PTGIS: variants seen among roughly 807,000 people sequenced by gnomAD.
The protein encoded by PTGIS is prostaglandin I2 synthase, also known as prostacyclin synthase.
Under a neutral mutation model 50.3 loss-of-function variants are expected in PTGIS, and 45 were observed. The observed-to-expected ratio is 0.90, with a 90% confidence interval of 0.70 to 1.15. The LOEUF (loss-of-function observed/expected upper bound fraction) is 1.15. Among genes scored for constraint, PTGIS ranks in the 50% most tolerant of loss-of-function variants. The pLI is 0.00. For synonymous variants in PTGIS, 260 were observed against 267.7 expected, an observed-to-expected ratio of 0.97 and a Z score of 0.28; for missense variants, 668 against 661.3, an observed-to-expected ratio of 1.01 and a Z score of -0.11.
chr20:49,529,758 C>T (rs1034646136), intron 5 of PTGIS, among the ~76,000 whole-genome samples: 12 of 152,148 alleles, frequency 7.9e-5, no homozygotes, highest in Admixed American at 3.3e-4. Flanking sequence ...TATGGTAGTA[C>T]TTGTGTTCAG....
chr20:49,545,434 G>GA (rs11435089), intron 3 of PTGIS, among the ~76,000 whole-genome samples: 8,782 of 137,558 alleles, frequency 0.064, 445 homozygotes, highest in African/African-American at 0.15. Context: ...AAAAAGAAAA[G>GA]AAAAAAAAAA....
chr20:49,524,216 C>T lies in PTGIS; in HGVS notation c.697G>A (p.Val233Ile), dbSNP rs760676253. 1.4e-5 allele frequency: 23 copies of T among 1,614,212 alleles called. No homozygotes were observed. Among genetic ancestry groups the T allele is most frequent in the South Asian group, 2.2e-5 (2 of 91,088 alleles). Residue 233 changes from valine (V) to isoleucine (I), a missense_variant, in exon 6 of 10, where the codon GTC becomes ATC. By Grantham distance (29) the Val-to-Ile change is conservative. Transcript: ENST00000244043. ...SVGDKDHMCSVKSRLWKLLSP... is the reference protein window; with the variant it reads ...SVGDKDHMCSIKSRLWKLLSP... Reference sequence around the variant, plus strand: ...AGCAGCTTCCACAGGCGACTTTTGACACTGCACATGTGGTCCTTGTCCCCT... The same window carrying T: ...AGCAGCTTCCACAGGCGACTTTTGATACTGCACATGTGGTCCTTGTCCCCT...
intron 6 of PTGIS, among the ~76,000 whole-genome samples, chr20:49,516,136 C>T (rs1430495433): frequency 1.3e-5 from 2 of 151,650 alleles, no homozygotes; most frequent in African/African-American, 2.4e-5. Flanking sequence ...CTGCCACAGC[C>T]TCCCAAAGAA....
Position 49,504,366 on chromosome 20 carries a change from T to C in PTGIS, c.*3554A>G, listed in dbSNP as rs1568664662. 1 of 152,186 alleles carries C rather than the reference T, an allele frequency of 6.6e-6. No homozygotes were observed. The highest frequency in any genetic ancestry group is 6.5e-5 in the Admixed American group (1 of 15,286). 9.4% of individuals were successfully genotyped at this position (152,186 alleles called of 1,614,324 possible). Reference sequence around the variant, plus strand: ...AGTGAGTGATACATGTTATCCACTATTGGCAGCAATTGGGGGGAAAAAAAG... The same window carrying C: ...AGTGAGTGATACATGTTATCCACTACTGGCAGCAATTGGGGGGAAAAAAAG... On this transcript the variant is annotated 3_prime_UTR_variant, in exon 10 of 10. Transcript: ENST00000244043.
At chr20:49,530,194 T>A (rs1490087058) in intron 5 of PTGIS, among the ~76,000 whole-genome samples, 2 of 151,732 alleles carry the variant, frequency 1.3e-5, no homozygotes, top group African/African-American at 4.8e-5. Context: ...CATAGTTATG[T>A]ATGTATAAGA....
chr20:49,544,895 A>G (rs535810536), intron 3 of PTGIS, among the ~76,000 whole-genome samples: 1 of 152,334 alleles, frequency 6.6e-6, no homozygotes, highest in Admixed American at 6.5e-5. Context: ...GGAACTGAAA[A>G]GCAACTCATC....
In PTGIS at chr20:49,515,078, T is replaced by C. The variant is rs141415735; in HGVS notation, c.856-683A>G. Among the ~76,000 whole-genome samples the C allele has an allele frequency of 3.2e-4, 49 of 152,340 alleles. 2 individuals carry two copies. In the East Asian group the frequency reaches 8.3e-3, roughly 26 times the overall value. ...GGTGTATGCCGCTGATGAGTTGTTA[T>C]GGATGTTTGTTATGCAACAATAGCT... On this transcript the variant is annotated intron_variant, in intron 6 of 9. Transcript: ENST00000244043.
intron 7 of PTGIS, 89 bp from the exon 8 acceptor site, chr20:49,513,350 T>A (rs1981379005): frequency 2.1e-6 from 3 of 1,461,274 alleles, no homozygotes; most frequent in Non-Finnish European, 2.8e-6. Context: ...CAGAGGAAGA[T>A]GAAGAGGCTC....
intron 9 of PTGIS, among the ~76,000 whole-genome samples, chr20:49,508,856 G>C (rs1055315615): frequency 6.6e-6 from 1 of 152,178 alleles, no homozygotes; most frequent in South Asian, 2.1e-4. Flanking sequence ...GCAGCCCTAC[G>C]GGGGATGTCA....
intron 9 of PTGIS, 41 bp downstream of exon 9, chr20:49,510,987 G>T: frequency 6.3e-7 from 1 of 1,599,406 alleles, no homozygotes; most frequent in Non-Finnish European, 8.6e-7. Context: ...CCAACCAGGG[G>T]ATCAGGAGCC....
Position 49,568,131 on chromosome 20 carries a change from G to GGCTGGCGGT in PTGIS, c.-16_-15insACCGCCAGC. 1 of 1,175,188 alleles carries GGCTGGCGGT rather than the reference G, an allele frequency of 8.5e-7. No homozygotes were observed. Among genetic ancestry groups the GGCTGGCGGT allele is most frequent in the Non-Finnish European group, 1.1e-6 (1 of 908,828 alleles). 72.8% of individuals were successfully genotyped at this position (1,175,188 alleles called of 1,614,324 possible). On this transcript the variant is annotated 5_prime_UTR_variant, in exon 1 of 10. Transcript: ENST00000244043. Reference sequence around the variant, plus strand: ...GCCCAAGCCATCGCGGGGCTGGCGGGGCTGGCGGGGCTGGCGGGGCTGGCG... The same window carrying GGCTGGCGGT: ...GCCCAAGCCATCGCGGGGCTGGCGGGGCTGGCGGTGCTGGCGGGGCTGGCGGGGCTGGCG...
intron 5 of PTGIS, among the ~76,000 whole-genome samples, chr20:49,539,123 T>A (rs917643034): frequency 6.6e-6 from 1 of 152,180 alleles, no homozygotes; most frequent in Non-Finnish European, 1.5e-5. Flanking sequence ...GCTCCCAGGA[T>A]GTACTCCAAG....
chr20:49,508,499 G>A (rs757369672), intron 9 of PTGIS, among the ~76,000 whole-genome samples: 22 of 152,262 alleles, frequency 1.4e-4, no homozygotes, highest in Middle Eastern at 3.4e-3. Context: ...CACCTCTGTT[G>A]GTAAAAGCCA....
intron 3 of PTGIS, among the ~76,000 whole-genome samples, chr20:49,547,146 C>T (rs375099291): frequency 3.3e-5 from 5 of 152,210 alleles, no homozygotes; most frequent in African/African-American, 1.2e-4. Context: ...GCAGGAGAAT[C>T]GCCTGAACCC....
intron 6 of PTGIS, among the ~76,000 whole-genome samples, chr20:49,514,902 G>C (rs771557086): frequency 4.6e-5 from 7 of 152,332 alleles, no homozygotes; most frequent in South Asian, 2.1e-4. Context: ...TGAAGGAACA[G>C]CCACTCTACG....
chr20:49,557,989 G>GA (rs1349285679), intron 1 of PTGIS, among the ~76,000 whole-genome samples: 1 of 152,056 alleles, frequency 6.6e-6, no homozygotes, highest in East Asian at 1.9e-4. Context: ...CCTTAACCTT[G>GA]GAAAAAGAAA....
intron 5 of PTGIS, among the ~76,000 whole-genome samples, chr20:49,527,481 A>G (rs1254645502): frequency 2.0e-5 from 3 of 152,050 alleles, no homozygotes; most frequent in Non-Finnish European, 4.4e-5. Flanking sequence ...GAATCCTAGA[A>G]CAGGAAATTC....
At chr20:49,521,656 A>G (rs1981653325) in intron 6 of PTGIS, among the ~76,000 whole-genome samples, 2 of 152,226 alleles carry the variant, frequency 1.3e-5, no homozygotes, top group South Asian at 4.1e-4. Context: ...ACCCCTTGCC[A>G]GTCTCTGCCT....
intron 1 of PTGIS, among the ~76,000 whole-genome samples, chr20:49,557,573 A>G (rs1982649324): frequency 6.6e-6 from 1 of 151,960 alleles, no homozygotes; most frequent in Admixed American, 6.5e-5. Flanking sequence ...GAAAAAAAAA[A>G]AGAAGAAAAG....
Sources: allele counts gnomAD v4.1 joint callset (sites outside exome capture counted in the v4.1 genomes callset), GRCh38; gene constraint gnomAD v4.1.1; transcripts MANE v1.5; gene names NCBI Gene and HGNC (gene_info 2026-07-23, HGNC 2026-07-21).